R3HDM2: variants seen among roughly 807,000 people sequenced by gnomAD.
R3HDM2 encodes R3H domain containing 2.
R3HDM2 carries 38 observed loss-of-function variants against 124.5 expected under a neutral mutation model. That is an observed-to-expected ratio of 0.31 (90% CI 0.24 to 0.40). The LOEUF (loss-of-function observed/expected upper bound fraction) is 0.40, where lower values mean the gene tolerates loss of function less well. Ranked by LOEUF, R3HDM2 falls within the 10% of genes least tolerant of loss-of-function variation. The pLI is 1.00. For synonymous variants in R3HDM2, 391 were observed against 448.0 expected (o/e 0.87, Z 1.61); for missense variants, 869 against 1,236.9 (o/e 0.70, Z 4.46).
chr12:57,340,898 C>CAA (rs528128527), intron 2 of R3HDM2, among the ~76,000 whole-genome samples: 3 of 127,422 alleles, frequency 2.4e-5, no homozygotes, highest in Non-Finnish European at 1.7e-5. Flanking sequence ...ATACTCAATC[C>CAA]AAAAAAAAAA....
chr12:57,329,220 A>G (rs1243721196), intron 2 of R3HDM2, among the ~76,000 whole-genome samples: 1 of 152,182 alleles, frequency 6.6e-6, no homozygotes, highest in Non-Finnish European at 1.5e-5. Context: ...TCTCTGCTGC[A>G]AGGAGAAAGA....
chr12:57,289,049 G>A lies in R3HDM2; in HGVS notation c.907-9C>T, dbSNP rs751846892. The A allele has an allele frequency of 3.2e-6, 5 of 1,545,418 alleles. No homozygotes were observed. The highest frequency in any genetic ancestry group is 2.7e-5 in the African/African-American group (2 of 72,738). ...TATCCGTTCTGGCCAGTCTAGGTGAGGGGGAGAAAACGGAAAATAACTTAT... is the reference window on the plus strand; with the variant it reads ...TATCCGTTCTGGCCAGTCTAGGTGAAGGGGAGAAAACGGAAAATAACTTAT... On this transcript the variant is annotated splice_polypyrimidine_tract_variant and intron_variant, in intron 11 of 23. Coordinates refer to ENST00000402412, the MANE Select transcript of R3HDM2 (RefSeq NM_001394031.1).
intron 10 of R3HDM2, 81 bp downstream of exon 10, chr12:57,295,318 C>T: frequency 1.1e-6 from 1 of 937,688 alleles, no homozygotes; most frequent in South Asian, 1.4e-5. Context: ...GAGTTTTCTC[C>T]ATCCCACAAA....
Position 57,373,073 on chromosome 12 carries a change from G to A in R3HDM2, c.-36+22676C>T, listed in dbSNP as rs149775008. Reference sequence around the variant, plus strand: ...AAAAATTAGCTGGACATGGTGGCACGTGCCTGTAGTCCTAGCTACTTGGGA... The same window carrying A: ...AAAAATTAGCTGGACATGGTGGCACATGCCTGTAGTCCTAGCTACTTGGGA... On this transcript the variant is annotated intron_variant, in intron 2 of 23. Coordinates refer to ENST00000402412, the MANE Select transcript of R3HDM2 (RefSeq NM_001394031.1). Among the ~76,000 whole-genome samples the A allele has an allele frequency of 2.1e-3, 323 of 152,272 alleles. 9 individuals are homozygous for A. The East Asian group carries it at 0.05, about 24-fold the overall frequency.
At chr12:57,304,450 G>A in intron 3 of R3HDM2, 1 of 944,466 alleles carries the variant, frequency 1.1e-6, no homozygotes, top group Middle Eastern at 5.4e-4. Context: ...TAGGGGAGGG[G>A]AAACAAGTCA....
chr12:57,427,826 G>A (rs1236994064), intron 1 of R3HDM2, among the ~76,000 whole-genome samples: 1 of 151,728 alleles, frequency 6.6e-6, no homozygotes, highest in East Asian at 1.9e-4. Flanking sequence ...ATTTGGGCCA[G>A]GCGCAGTGGC....
intron 2 of R3HDM2, among the ~76,000 whole-genome samples, chr12:57,358,531 C>G (rs2061545510): frequency 6.6e-6 from 1 of 151,652 alleles, no homozygotes; most frequent in African/African-American, 2.4e-5. Context: ...CCTGTACCAA[C>G]TACTTCAGAG....
rs762584623 is a variant in R3HDM2 at position 57,269,394 on chromosome 12, C to A, written c.1643G>T (p.Arg548Leu). The change falls in exon 16 of 24, where the codon CGA (arginine) becomes CTA (leucine). Residue 548 changes from arginine to leucine, a missense_variant. Around this residue, in one of 2 missense-constraint regions of R3HDM2, gnomAD observed 602 missense variants for 789.2 expected, o/e 0.76. Transcript: ENST00000402412. ...ATAGGCCACCGGGTGAGAGAGAGGT[C>A]GATATTGCTGGTTGGAGTTAGGATA... ...GQYPNSNQQY[R>L]PLSHPVAYSP... The A allele has an allele frequency of 1.9e-6, 3 of 1,613,836 alleles. No homozygotes were observed. The highest frequency in any genetic ancestry group is 2.5e-6 in the Non-Finnish European group (3 of 1,179,996).
intron 2 of R3HDM2, among the ~76,000 whole-genome samples, chr12:57,318,221 A>G (rs1244355261): frequency 6.6e-6 from 1 of 151,546 alleles, no homozygotes; most frequent in Admixed American, 6.6e-5. Flanking sequence ...GAACCCAGGA[A>G]GAGGAGGTTG....
In R3HDM2 at chr12:57,269,359, G is replaced by A. The variant is rs757842057; in HGVS notation, c.1678C>T (p.Arg560Cys). Residue 560 changes from arginine (R) to cysteine (C), a missense_variant, in exon 16 of 24, where the codon CGT becomes TGT. Arg to Cys is a radical substitution (Grantham distance 180, BLOSUM62 -3). Around this residue, in one of 2 missense-constraint regions of R3HDM2, gnomAD observed 602 missense variants for 789.2 expected, o/e 0.76. Coordinates refer to ENST00000402412, the MANE Select transcript of R3HDM2 (RefSeq NM_001394031.1). ...GATGGCTGAGGCAGCTGCTGACCAC[G>A]TTGGGGGCTATAGGCCACCGGGTGA... ...LSHPVAYSPQ[R>C]GQQLPQPSQQ... 16 of 1,614,108 alleles carry A rather than the reference G, an allele frequency of 9.9e-6. No individual in the cohort carries two copies. The South Asian group carries it at 1.1e-4, about 11-fold the overall frequency.
chr12:57,348,135 A>C (rs1426598598), intron 2 of R3HDM2, among the ~76,000 whole-genome samples: 1 of 152,238 alleles, frequency 6.6e-6, no homozygotes, highest in African/African-American at 2.4e-5. Context: ...AGTGAGAAAC[A>C]GAAATCAGCT....
chr12:57,353,449 C>T (rs1382889187), intron 2 of R3HDM2, among the ~76,000 whole-genome samples: 1 of 152,126 alleles, frequency 6.6e-6, no homozygotes, highest in African/African-American at 2.4e-5. Context: ...TAAAAAATGT[C>T]TTACAATTTC....
At chr12:57,410,275 T>C (rs563702317) in intron 1 of R3HDM2, among the ~76,000 whole-genome samples, 77 of 130,152 alleles carry the variant, frequency 5.9e-4, no homozygotes, top group Non-Finnish European at 8.7e-4. Context: ...CAACTATTAA[T>C]ACATCAATAG....
intron 12 of R3HDM2, 23 bp downstream of exon 12, chr12:57,288,986 G>A (rs987177903): frequency 8.7e-5 from 135 of 1,548,984 alleles, no homozygotes; most frequent in Admixed American, 2.4e-4. Context: ...TGAGAAGCAG[G>A]GAACATGCTA....
chr12:57,378,419 G>T (rs902834408), intron 2 of R3HDM2, among the ~76,000 whole-genome samples: 3 of 151,996 alleles, frequency 2.0e-5, no homozygotes, highest in Non-Finnish European at 4.4e-5. Context: ...TTGCTCTGTT[G>T]TCCAGGCTGG....
intron 2 of R3HDM2, among the ~76,000 whole-genome samples, chr12:57,334,394 T>C (rs1180116663): frequency 1.3e-5 from 2 of 152,152 alleles, no homozygotes; most frequent in African/African-American, 2.4e-5. Flanking sequence ...ATCTGTTCAT[T>C]GGCCCCTGGG....
chr12:57,410,722 G>A (rs920858080), intron 1 of R3HDM2, among the ~76,000 whole-genome samples: 2 of 152,126 alleles, frequency 1.3e-5, no homozygotes, highest in Admixed American at 1.3e-4. Context: ...GTCATGGTGT[G>A]TGTGCCTGTA....
rs2049532378 is a variant in R3HDM2, at chr12:57,295,320, TC to T, written c.810+78del. 5.2e-6 allele frequency: 5 copies of T among 958,666 alleles called. No homozygotes were observed. The South Asian group carries it at 7.1e-5, about 14-fold the overall frequency. 59.4% of individuals were successfully genotyped at this position (958,666 alleles called of 1,614,324 possible). A position where few individuals can be genotyped will look rare whatever the true frequency, so the allele number is the denominator to read the frequency against. On this transcript the variant is annotated intron_variant, in intron 10 of 23. Transcript: ENST00000402412. The stretch of plus-strand genomic sequence containing the variant: ...ACTAAGATATTTTGAGTTTTCTCCA[TC>T]CCACAAAAATTCTTCTCCCTTCCCA...
intron 2 of R3HDM2, among the ~76,000 whole-genome samples, chr12:57,374,415 C>T (rs2063760289): frequency 6.6e-6 from 1 of 151,830 alleles, no homozygotes; most frequent in Non-Finnish European, 1.5e-5. Flanking sequence ...CCAGGCCGGG[C>T]GTGGTGGCTC....
Sources: gnomAD v4.1 joint callset for allele counts (sites outside exome capture counted in the v4.1 genomes callset) on GRCh38, gnomAD v4.1.1 for gene constraint, gnomAD v4.1.1 regional missense constraint, MANE v1.5 for transcripts, NCBI Gene and HGNC (gene_info 2026-07-23, HGNC 2026-07-21) for gene names.